Variants in SETDB2 observed in about 807,000 individuals in gnomAD.
SETDB2 encodes the protein SET domain bifurcated histone lysine methyltransferase 2.
Under a neutral mutation model 82.5 loss-of-function variants are expected in SETDB2, and 56 were observed. That is an observed-to-expected ratio of 0.68 (90% CI 0.55 to 0.85). The LOEUF (loss-of-function observed/expected upper bound fraction) is 0.85. SETDB2 is among the 40% of genes least tolerant of loss of function. SETDB2 has a pLI of 0.00. For synonymous variants in SETDB2, 272 were observed against 284.9 expected, an observed-to-expected ratio of 0.95 and a Z score of 0.46; for missense variants, 677 against 816.4, an observed-to-expected ratio of 0.83 and a Z score of 2.08.
intron 2 of SETDB2, among the ~76,000 whole-genome samples, chr13:49,453,579 T>C (rs1043622226): frequency 6.6e-6 from 1 of 152,216 alleles, no homozygotes; most frequent in African/African-American, 2.4e-5. Context: ...ATTACAGGCA[T>C]GAACCACCAT....
At chr13:49,473,869 T>C (rs1958299591) in intron 5 of SETDB2, among the ~76,000 whole-genome samples, 1 of 152,136 alleles carries the variant, frequency 6.6e-6, no homozygotes, top group African/African-American at 2.4e-5. Context: ...CCATAATTCC[T>C]TATAAGAAAA....
At chr13:49,467,002 A>G (rs1488308256) in intron 4 of SETDB2, among the ~76,000 whole-genome samples, 1 of 152,096 alleles carries the variant, frequency 6.6e-6, no homozygotes, top group Non-Finnish European at 1.5e-5. Flanking sequence ...TTAAAGACAG[A>G]TATTTGTTTT....
Position 49,493,148 on chromosome 13 carries a change from C to T in SETDB2, c.*1299C>T, listed in dbSNP as rs1958744516. 1 of 152,052 alleles carries T rather than the reference C, an allele frequency of 6.6e-6. No individual in the cohort carries two copies. The highest frequency in any genetic ancestry group is 1.5e-5 in the Non-Finnish European group (1 of 68,032). 9.4% of individuals were successfully genotyped at this position (152,052 alleles called of 1,614,324 possible). The stretch of plus-strand genomic sequence containing the variant: ...TAGTGGAAAAGGGGACTGGGAAGCC[C>T]AAGCAGACTGGGAAACCAGACAGCT... On this transcript the variant is annotated 3_prime_UTR_variant, in exon 14 of 14. Coordinates refer to ENST00000611815, the MANE Select transcript of SETDB2 (RefSeq NM_001160308.3).
intron 1 of SETDB2, among the ~76,000 whole-genome samples, chr13:49,449,334 T>C (rs957345849): frequency 6.6e-6 from 1 of 152,130 alleles, no homozygotes; most frequent in Non-Finnish European, 1.5e-5. Flanking sequence ...CACTGCAACC[T>C]CTGCCTCCCA....
At position 49,483,499 on chromosome 13, in the gene SETDB2, A is replaced by G. The variant is rs372067844; in HGVS notation, c.1418A>G (p.Tyr473Cys). The G allele has an allele frequency of 2.7e-6, 4 of 1,477,680 alleles. No homozygotes were observed. The highest frequency in any genetic ancestry group is 2.9e-5 in the African/African-American group (2 of 69,094). 91.5% of individuals were successfully genotyped at this position (1,477,680 alleles called of 1,614,324 possible). Residue 473 changes from tyrosine (Y) to cysteine (C), a missense_variant, in exon 10 of 14, where the codon TAT (tyrosine) becomes TGT (cysteine). By Grantham distance (194) the Tyr-to-Cys change is radical. Coordinates refer to ENST00000611815, the MANE Select transcript of SETDB2 (RefSeq NM_001160308.3). ...TATGATAATATTTCAAGAATTCAAT[A>G]TCATTCAGTTATTAGAGATCCTGAA... ...TKYDNISRIQ[Y>C]HSVIRDPESK...
intron 2 of SETDB2, among the ~76,000 whole-genome samples, chr13:49,456,253 T>C (rs1191247778): frequency 6.6e-6 from 1 of 152,134 alleles, no homozygotes; most frequent in East Asian, 1.9e-4. Flanking sequence ...ATTATTAATG[T>C]ATTTGGTAAG....
chr13:49,461,493 T>G (rs1957991524), intron 4 of SETDB2, among the ~76,000 whole-genome samples: 1 of 152,236 alleles, frequency 6.6e-6, no homozygotes, highest in African/African-American at 2.4e-5. Flanking sequence ...AGAACAATAC[T>G]TGAAAGATAT....
At chr13:49,469,874 C>G (rs548081088) in intron 5 of SETDB2, among the ~76,000 whole-genome samples, 30 of 152,176 alleles carry the variant, frequency 2.0e-4, no homozygotes, top group African/African-American at 7.2e-4. Flanking sequence ...ATGGAAAAGA[C>G]AAAGGCAGAA....
intron 12 of SETDB2, 126 bp from the exon 13 acceptor site, chr13:49,490,696 A>C (rs1488419747): frequency 1.6e-6 from 1 of 610,946 alleles, no homozygotes; most frequent in Non-Finnish European, 2.7e-6. Context: ...GTGATAATTT[A>C]TACATTGACA....
intron 4 of SETDB2, among the ~76,000 whole-genome samples, chr13:49,464,963 G>A (rs1036284717): frequency 1.3e-5 from 2 of 151,980 alleles, no homozygotes; most frequent in Non-Finnish European, 2.9e-5. Context: ...GTACTCAAGA[G>A]GCTGCAGTGG....
rs566773041 is a variant in SETDB2 at position 49,482,207 on chromosome 13, C to G, written c.1157-530C>G. 6.1e-6 allele frequency: 6 copies of G among 985,352 alleles called. No homozygotes were observed. The African/African-American group carries it at 1.0e-4, about 17-fold the overall frequency. 61.0% of individuals were successfully genotyped at this position (985,352 alleles called of 1,614,324 possible). A position where few individuals can be genotyped will look rare whatever the true frequency, so the allele number is the denominator to read the frequency against. Reference sequence around the variant, plus strand: ...CCGATCTAACAATGGGTAAGAATATCCTGCTATTAATTTGGACTTGGCAAC... The same window carrying G: ...CCGATCTAACAATGGGTAAGAATATGCTGCTATTAATTTGGACTTGGCAAC... On this transcript the variant is annotated intron_variant, in intron 8 of 13. Transcript: ENST00000611815.
intron 11 of SETDB2, among the ~76,000 whole-genome samples, chr13:49,487,037 C>T (rs371604048): frequency 6.6e-6 from 1 of 151,998 alleles, no homozygotes; most frequent in Non-Finnish European, 1.5e-5. Flanking sequence ...GCTTTTGGTT[C>T]TTTTGCCCTT....
chr13:49,465,029 G>A (rs1040107317), intron 4 of SETDB2, among the ~76,000 whole-genome samples: 2 of 151,178 alleles, frequency 1.3e-5, no homozygotes, highest in African/African-American at 4.9e-5. Context: ...TCACACTACT[G>A]TACTCCAACC....
intron 2 of SETDB2, among the ~76,000 whole-genome samples, chr13:49,454,145 G>C (rs1034403503): frequency 2.0e-5 from 3 of 152,042 alleles, no homozygotes; most frequent in Admixed American, 2.0e-4. Flanking sequence ...ACCCTTGACT[G>C]GGCACCGTGG....
intron 5 of SETDB2, among the ~76,000 whole-genome samples, 179 bp from the exon 6 acceptor site, chr13:49,476,297 C>T (rs578259633): frequency 1.3e-5 from 2 of 151,982 alleles, no homozygotes; most frequent in African/African-American, 2.4e-5. Context: ...ACCCCATCTC[C>T]GAGAAAAGTT....
Position 49,476,500 on chromosome 13 carries a change from C to G in SETDB2, c.330C>G (p.Leu110=). The change falls in exon 6 of 14, where the codon CTC becomes CTG. Residue 110 remains leucine (L), a synonymous_variant. Transcript: ENST00000611815. ...TFLTTENKEI[L]SLEDKVVDFR... ...GAACAACAGAAAATAAGGAAATTCT[C>G]TCTCTTGAAGATAAAGTTGTAGACT... The G allele has an allele frequency of 1.3e-6, 2 of 1,579,394 alleles. No homozygotes were observed. Among genetic ancestry groups the G allele is most frequent in the East Asian group, 2.2e-5 (1 of 44,494 alleles).
At chr13:49,470,391 A>G (rs1173483006) in intron 5 of SETDB2, among the ~76,000 whole-genome samples, 2 of 152,226 alleles carry the variant, frequency 1.3e-5, no homozygotes, top group Admixed American at 1.3e-4. Flanking sequence ...GACTGGAATT[A>G]TGTTTAAATA....
intron 2 of SETDB2, among the ~76,000 whole-genome samples, chr13:49,453,134 C>A (rs7982297): frequency 0.79 from 120,158 of 152,116 alleles, 48,256 homozygotes; most frequent in African/African-American, 0.93. Context: ...ATTTATCTCT[C>A]TCTCTTCTTC....
intron 10 of SETDB2, 88 bp from the exon 11 acceptor site, chr13:49,485,542 T>C: frequency 3.0e-6 from 3 of 1,001,290 alleles, no homozygotes; most frequent in East Asian, 4.7e-5. Context: ...ATATAGCCTA[T>C]GATGATTGAC....
Sources: allele counts gnomAD v4.1 joint callset (sites outside exome capture counted in the v4.1 genomes callset), GRCh38; gene constraint gnomAD v4.1.1; transcripts MANE v1.5; gene names NCBI Gene and HGNC (gene_info 2026-07-23, HGNC 2026-07-21).